Variants in AOPEP observed in about 807,000 individuals in gnomAD.
AOPEP encodes aminopeptidase O.
AOPEP carries 77 observed loss-of-function variants against 98.1 expected under a neutral mutation model. The observed-to-expected ratio is 0.78, with a 90% CI of 0.65 to 0.95. AOPEP has a LOEUF of 0.95. AOPEP is among the 40% of genes least tolerant of loss of function. AOPEP has a pLI of 0.00. For missense variants in AOPEP, 1,024 were observed against 1,024.7 expected, an observed-to-expected ratio of 1.00 and a Z score of 0.01; for synonymous variants, 346 against 365.3, an observed-to-expected ratio of 0.95 and a Z score of 0.60.
the AOPEP span, among the ~76,000 whole-genome samples, chr9:95,108,402 A>C: frequency 6.6e-6 from 1 of 152,216 alleles, no homozygotes; most frequent in Non-Finnish European, 1.5e-5. Context: ...GTCTGCAAAA[A>C]TGTCAGGGTT....
chr9:94,799,255 G>A (rs1461344569), intron 4 of AOPEP, among the ~76,000 whole-genome samples: 1 of 152,192 alleles, frequency 6.6e-6, no homozygotes, highest in Non-Finnish European at 1.5e-5. Flanking sequence ...AATCAAGTGA[G>A]CACCTGTAGT....
intron 7 of AOPEP, chr9:94,931,711 A>T (rs1357043314): frequency 6.5e-7 from 1 of 1,546,318 alleles, no homozygotes; most frequent in Admixed American, 2.0e-5. Context: ...TTATGTCTTG[A>T]TAGGTTTCCA....
the AOPEP span, among the ~76,000 whole-genome samples, chr9:95,136,226 C>G: frequency 6.6e-6 from 1 of 151,150 alleles, no homozygotes; most frequent in African/African-American, 2.4e-5. Context: ...CCTGCTTCTA[C>G]AAAAAAAAAT....
At chr9:95,029,717 G>A (rs1272900913) in intron 13 of AOPEP, among the ~76,000 whole-genome samples, 1 of 152,202 alleles carries the variant, frequency 6.6e-6, no homozygotes, top group African/African-American at 2.4e-5. Flanking sequence ...GGCATGGTGA[G>A]AATTTAAAAA....
chr9:94,785,371 G>C (rs945050955), intron 3 of AOPEP, among the ~76,000 whole-genome samples: 2 of 152,206 alleles, frequency 1.3e-5, no homozygotes, highest in Non-Finnish European at 2.9e-5. Flanking sequence ...TTTGGGTCTT[G>C]TAACAGCTGT....
intron 5 of AOPEP, among the ~76,000 whole-genome samples, chr9:94,804,662 C>T (rs144097410): frequency 7.3e-4 from 111 of 152,244 alleles, no homozygotes; most frequent in African/African-American, 2.5e-3. Context: ...ATTTATCAAG[C>T]GTATACTGTG....
chr9:94,926,532 C>A (rs559439422), intron 6 of AOPEP, among the ~76,000 whole-genome samples: 1 of 152,294 alleles, frequency 6.6e-6, no homozygotes, highest in East Asian at 1.9e-4. Flanking sequence ...GAAACATTTC[C>A]AGAGCAAGTC....
chr9:94,755,150 C>T (rs183066), intron 1 of AOPEP, among the ~76,000 whole-genome samples: 103,058 of 152,000 alleles, frequency 0.68, 35,817 homozygotes, highest in African/African-American at 0.83. Flanking sequence ...AAACTAACCA[C>T]TGGTTTTTAT....
At chr9:94,968,380 C>T (rs1053937450) in intron 10 of AOPEP, among the ~76,000 whole-genome samples, 10 of 152,120 alleles carry the variant, frequency 6.6e-5, no homozygotes, top group Admixed American at 2.6e-4. Context: ...TCCCAAGTAG[C>T]TGGGACTACA....
Position 95,080,691 on chromosome 9 carries a change from C to T in AOPEP, c.2233-3C>T, listed in dbSNP as rs1245066522. The T allele has an allele frequency of 1.2e-6, 2 of 1,612,682 alleles. No individual in the cohort carries two copies. Among genetic ancestry groups the T allele is most frequent in the Non-Finnish European group, 1.7e-6 (2 of 1,179,472 alleles). ...CTCACTGGGCTCTCTCTTGTTCCTC[C>T]AGGTTCGCCATCGGTGGTGTGAACT... On this transcript the variant is annotated splice_region_variant and splice_polypyrimidine_tract_variant and intron_variant, in intron 14 of 16. Transcript: ENST00000375315.
intron 7 of AOPEP, chr9:94,933,789 C>T (rs1048729928): frequency 3.9e-6 from 2 of 518,266 alleles, no homozygotes; most frequent in Admixed American, 6.4e-5. Context: ...GCTCTGTCTC[C>T]CAGGCTGGAG....
At chr9:95,139,821 AATATATATATATTTAT>A in the AOPEP span, among the ~76,000 whole-genome samples, 13 of 145,876 alleles carry the variant, frequency 8.9e-5, no homozygotes, top group Admixed American at 4.1e-4. Context: ...TGACAAAATG[AATATATATATATTTAT>A]ATATATATAT....
the AOPEP span, among the ~76,000 whole-genome samples, chr9:95,122,492 T>C: frequency 3.3e-5 from 5 of 152,270 alleles, no homozygotes; most frequent in African/African-American, 1.2e-4. Flanking sequence ...AGACTTTCCT[T>C]TCCTTTGTTG....
intron 7 of AOPEP, among the ~76,000 whole-genome samples, chr9:94,943,270 AAC>A: frequency 6.6e-6 from 1 of 152,234 alleles, no homozygotes; most frequent in Non-Finnish European, 1.5e-5. Flanking sequence ...CTTACAACTC[AAC>A]AATAAAGACA....
chr9:94,901,469 G>T (rs1024965847), intron 5 of AOPEP, among the ~76,000 whole-genome samples: 1 of 151,804 alleles, frequency 6.6e-6, no homozygotes, highest in Non-Finnish European at 1.5e-5. Context: ...TCTAGTATTT[G>T]TTAAATGTGG....
chr9:94,782,603 C>T (rs1473586080), intron 3 of AOPEP, among the ~76,000 whole-genome samples: 2 of 152,074 alleles, frequency 1.3e-5, no homozygotes, highest in African/African-American at 2.4e-5. Context: ...CCAGGAATTA[C>T]GTATGAGGAA....
the AOPEP span, among the ~76,000 whole-genome samples, chr9:95,103,815 G>A: frequency 6.6e-6 from 1 of 152,380 alleles, no homozygotes; most frequent in African/African-American, 2.4e-5. Flanking sequence ...GCTGTGGGCA[G>A]ATGGGGCTGC....
At chr9:95,101,522 G>A in the AOPEP span, 18 of 720,330 alleles carry the variant, frequency 2.5e-5, no homozygotes, top group Non-Finnish European at 3.5e-5. Context: ...AGTCTGGGCT[G>A]AGGGACCTGG....
At chr9:95,068,114 T>C (rs1436762578) in intron 14 of AOPEP, among the ~76,000 whole-genome samples, 1 of 152,244 alleles carries the variant, frequency 6.6e-6, no homozygotes, top group Non-Finnish European at 1.5e-5. Context: ...TTTCCACTTT[T>C]AACTATTGTG....
Sources: gnomAD v4.1 joint callset for allele counts (sites outside exome capture counted in the v4.1 genomes callset) on GRCh38, gnomAD v4.1.1 for gene constraint, MANE v1.5 for transcripts, NCBI Gene and HGNC (gene_info 2026-07-23, HGNC 2026-07-21) for gene names.